FNDC3B: variants seen among roughly 807,000 people sequenced by gnomAD.
FNDC3B encodes the protein fibronectin type III domain containing 3B, also known as fibronectin type III domain-containing protein 3B.
In FNDC3B, 12 loss-of-function variants were observed where a neutral mutation model predicts 151.5. The ratio of observed to expected loss-of-function variants is 0.08; its 90% CI spans 0.05 to 0.13. The LOEUF is 0.13. FNDC3B is among the 10% of genes least tolerant of loss of function. The pLI is 1.00. For synonymous variants in FNDC3B, 528 were observed against 549.0 expected, an observed-to-expected ratio of 0.96 and a Z score of 0.54; for missense variants, 1,214 against 1,505.3, an observed-to-expected ratio of 0.81 and a Z score of 3.20.
At chr3:172,118,816 A>T (rs1023239838) in intron 2 of FNDC3B, among the ~76,000 whole-genome samples, 6 of 152,220 alleles carry the variant, frequency 3.9e-5, no homozygotes, top group African/African-American at 1.4e-4. Flanking sequence ...TCAAATTTAT[A>T]AAGCCCTCTG....
At chr3:172,378,540 A>G (rs1048528294) in intron 24 of FNDC3B, 104 bp downstream of exon 24, 4 of 1,046,056 alleles carry the variant, frequency 3.8e-6, no homozygotes, top group Non-Finnish European at 4.0e-6. Flanking sequence ...TGTCAGCAAG[A>G]TAGAATCAAA....
At chr3:172,176,725 T>C (rs1311007285) in intron 3 of FNDC3B, among the ~76,000 whole-genome samples, 1 of 152,208 alleles carries the variant, frequency 6.6e-6, no homozygotes, top group Non-Finnish European at 1.5e-5. Flanking sequence ...TTATTACTTT[T>C]TTGAATAGTC....
intron 6 of FNDC3B, among the ~76,000 whole-genome samples, chr3:172,256,947 T>C (rs1313826273): frequency 6.6e-6 from 1 of 152,158 alleles, no homozygotes; most frequent in Admixed American, 6.5e-5. Flanking sequence ...TTTTTTTTTT[T>C]TGAGACAGAA....
At chr3:172,161,650 T>C (rs1722777545) in intron 3 of FNDC3B, among the ~76,000 whole-genome samples, 2 of 152,248 alleles carry the variant, frequency 1.3e-5, no homozygotes, top group Non-Finnish European at 2.9e-5. Flanking sequence ...GACACTGTTG[T>C]GCCTTGACTG....
At chr3:172,376,864 A>G (rs1735171263) in intron 23 of FNDC3B, among the ~76,000 whole-genome samples, 4 of 83,480 alleles carry the variant, frequency 4.8e-5, no homozygotes, top group African/African-American at 1.8e-4. Flanking sequence ...AAAAAAAAAA[A>G]AGAAAGAAAA....
intron 10 of FNDC3B, among the ~76,000 whole-genome samples, chr3:172,307,792 CTG>C (rs1164443609): frequency 6.6e-5 from 10 of 152,156 alleles, no homozygotes; most frequent in Admixed American, 6.5e-4. Context: ...GTGCAACCAA[CTG>C]TTATATCAAA....
At position 172,401,351 on chromosome 3, in the gene FNDC3B, GT is replaced by G. The variant is rs1473634438; in HGVS notation, c.*3877del. On this transcript the variant is annotated 3_prime_UTR_variant, in exon 26 of 26. Coordinates refer to ENST00000415807, the MANE Select transcript of FNDC3B (RefSeq NM_022763.4). ...TTGCTGACCAAGGCCTTGGAGGACT[GT>G]GAGCCACAATCACATATGTCCATGT... 6.6e-6 allele frequency: 1 copy of G among 152,198 alleles called. No individual in the cohort carries two copies. Among genetic ancestry groups the G allele is most frequent in the Non-Finnish European group, 1.5e-5 (1 of 68,044 alleles). The allele number at this position is 152,198 out of a possible 1,614,324, so 9.4% of individuals were successfully genotyped here.
chr3:172,206,718 G>T (rs1349787896), intron 3 of FNDC3B, among the ~76,000 whole-genome samples: 1 of 145,428 alleles, frequency 6.9e-6, no homozygotes, highest in South Asian at 2.3e-4. Context: ...TTTAGAAAGT[G>T]AGTTATAAAA....
At chr3:172,173,443 TAA>T (rs983791154) in intron 3 of FNDC3B, among the ~76,000 whole-genome samples, 6 of 152,062 alleles carry the variant, frequency 3.9e-5, no homozygotes, top group Non-Finnish European at 8.8e-5. Flanking sequence ...TCACTGCTTG[TAA>T]GAGAAGACAA....
chr3:172,167,401 A>G (rs1308138503), intron 3 of FNDC3B, among the ~76,000 whole-genome samples: 2 of 152,180 alleles, frequency 1.3e-5, no homozygotes, highest in Non-Finnish European at 2.9e-5. Context: ...CTCAAAAAGA[A>G]TATAGACTCC....
intron 9 of FNDC3B, chr3:172,306,946 T>C (rs1731229978): frequency 6.1e-6 from 1 of 163,582 alleles, no homozygotes. Context: ...TTCTCTCCAG[T>C]CTGTGACCTC....
intron 13 of FNDC3B, among the ~76,000 whole-genome samples, chr3:172,331,720 C>A (rs1732680210): frequency 6.6e-6 from 1 of 152,140 alleles, no homozygotes; most frequent in South Asian, 2.1e-4. Flanking sequence ...CTTTTCAGTT[C>A]TGCCTTCTGG....
At chr3:172,283,792 G>T (rs1015227296) in intron 6 of FNDC3B, among the ~76,000 whole-genome samples, 1 of 152,052 alleles carries the variant, frequency 6.6e-6, no homozygotes, top group Non-Finnish European at 1.5e-5. Context: ...AGTTTACTTA[G>T]CAGGGGCTTC....
chr3:172,276,995 C>T (rs1426317709), intron 6 of FNDC3B, among the ~76,000 whole-genome samples: 2 of 152,030 alleles, frequency 1.3e-5, no homozygotes, highest in Non-Finnish European at 2.9e-5. Flanking sequence ...CAAATTTATT[C>T]GATTAATGTT....
chr3:172,039,848 G>A (rs949132115), intron 1 of FNDC3B, 77 bp downstream of exon 1: 2 of 152,406 alleles, frequency 1.3e-5, no homozygotes, highest in Non-Finnish European at 2.9e-5. Context: ...GCACTGGAAA[G>A]CCCCGGCCTG....
chr3:172,280,785 C>T (rs903196506), intron 6 of FNDC3B, among the ~76,000 whole-genome samples: 14 of 152,174 alleles, frequency 9.2e-5, no homozygotes, highest in African/African-American at 2.7e-4. Flanking sequence ...GTTATTCAAA[C>T]AGTCTGAACT....
At chr3:172,232,297 T>C (rs1392728557) in intron 4 of FNDC3B, among the ~76,000 whole-genome samples, 1 of 152,246 alleles carries the variant, frequency 6.6e-6, no homozygotes, top group African/African-American at 2.4e-5. Context: ...ATTTGTTGTA[T>C]AATTAAATAG....
chr3:172,348,552 G>A (rs546534586), intron 21 of FNDC3B, among the ~76,000 whole-genome samples: 3 of 152,250 alleles, frequency 2.0e-5, no homozygotes, highest in African/African-American at 7.2e-5. Flanking sequence ...TACCAAGGCA[G>A]GATATAAATA....
rs181060851 is a variant in FNDC3B at position 172,346,311 on chromosome 3, G to A, written c.2251-16G>A. ...CGCATATATACATACGTGTGTGTGC[G>A]TGTGTTTTCTTTCAGTATGGTCCCT... On this transcript the variant is annotated splice_polypyrimidine_tract_variant and intron_variant, in intron 19 of 25. Transcript: ENST00000415807. The A allele has an allele frequency of 8.9e-4, 1,297 of 1,451,272 alleles. 1 individual carries two copies. Among genetic ancestry groups the A allele is most frequent in the African/African-American group, 2.0e-3 (140 of 71,676 alleles). The allele number at this position is 1,451,272 out of a possible 1,614,324, so 89.9% of individuals were successfully genotyped here.
Sources: gnomAD v4.1 joint callset for allele counts (sites outside exome capture counted in the v4.1 genomes callset) on GRCh38, gnomAD v4.1.1 for gene constraint, MANE v1.5 for transcripts, NCBI Gene and HGNC (gene_info 2026-07-23, HGNC 2026-07-21) for gene names.